The following UTRN variants were observed in gnomAD, a reference collection of about 807,000 sequenced individuals.
UTRN encodes the protein dystrophin-related protein 1.
In UTRN, 283 loss-of-function variants were observed where a neutral mutation model predicts 463.9. That is an observed-to-expected ratio of 0.61 (90% CI 0.55 to 0.67). UTRN has a LOEUF of 0.67. Among genes scored for constraint, UTRN ranks in the 30% least tolerant of loss-of-function variants. The pLI is 0.00. For missense variants in UTRN, 3,922 were observed against 4,084.3 expected, an observed-to-expected ratio of 0.96 and a Z score of 1.08; for synonymous variants, 1,442 against 1,431.5, an observed-to-expected ratio of 1.01 and a Z score of -0.17.
intron 2 of UTRN, among the ~76,000 whole-genome samples, chr6:144,378,754 G>C (rs1780671941): frequency 1.3e-5 from 2 of 152,182 alleles, no homozygotes; most frequent in Admixed American, 1.3e-4. Context: ...AAAGTTCAGA[G>C]AGTTGATTAG....
chr6:144,641,980 C>T (rs534870513), intron 51 of UTRN, among the ~76,000 whole-genome samples: 1 of 152,178 alleles, frequency 6.6e-6, no homozygotes, highest in Admixed American at 6.5e-5. Context: ...TATGTAAAAC[C>T]TGTTTGTCTT....
chr6:144,740,727 C>T (rs186812099), intron 54 of UTRN, among the ~76,000 whole-genome samples: 5 of 152,196 alleles, frequency 3.3e-5, no homozygotes, highest in East Asian at 1.9e-4. Flanking sequence ...GTAAGCCCAT[C>T]GATTGGGTAA....
At chr6:144,750,331 GA>G (rs933842803) in intron 55 of UTRN, among the ~76,000 whole-genome samples, 2 of 151,844 alleles carry the variant, frequency 1.3e-5, no homozygotes, top group African/African-American at 4.8e-5. Flanking sequence ...TGCAGCAATG[GA>G]AAAAAAACTA....
intron 51 of UTRN, among the ~76,000 whole-genome samples, chr6:144,603,683 C>G (rs1252830203): frequency 6.6e-6 from 1 of 152,050 alleles, no homozygotes; most frequent in Non-Finnish European, 1.5e-5. Flanking sequence ...AAATTTCAGT[C>G]TTTATCGTAA....
In UTRN at chr6:144,782,100, T is replaced by C. The variant is rs755952414; in HGVS notation, c.8811T>C (p.Asn2937=). ...NVPLCVDMCL[N]WLLNVYDTGR... is the part of the protein sequence containing the mutation. Reference sequence around the variant, plus strand: ...CACTCTGTGTTGATATGTGTCTCAATTGGTTGCTCAATGTCTATGACACGT... The same window carrying C: ...CACTCTGTGTTGATATGTGTCTCAACTGGTTGCTCAATGTCTATGACACGT... Residue 2937 remains asparagine, a synonymous_variant, in exon 61 of 75, where the codon AAT becomes AAC. Coordinates refer to ENST00000367545, the MANE Select transcript of UTRN (RefSeq NM_007124.3). 3.7e-6 allele frequency: 6 copies of C among 1,611,230 alleles called. No individual in the cohort carries two copies. In the South Asian group the frequency reaches 4.4e-5, roughly 12 times the overall value.
chr6:144,816,408 C>T (rs1174638568), intron 65 of UTRN, among the ~76,000 whole-genome samples: 2 of 152,132 alleles, frequency 1.3e-5, no homozygotes, highest in South Asian at 2.1e-4. Context: ...GAAAGTTTTG[C>T]CTGGAAGCGG....
intron 2 of UTRN, among the ~76,000 whole-genome samples, chr6:144,314,256 A>T (rs775167592): frequency 1.3e-5 from 2 of 152,188 alleles, no homozygotes; most frequent in Non-Finnish European, 2.9e-5. Flanking sequence ...AATGTGCTTG[A>T]TGGCTTGGGT....
intron 65 of UTRN, among the ~76,000 whole-genome samples, chr6:144,811,115 T>C (rs1778568770): frequency 6.6e-6 from 1 of 151,908 alleles, no homozygotes; most frequent in African/African-American, 2.4e-5. Flanking sequence ...GTGCCTTTTT[T>C]TTATGAACTA....
rs11397588 is a variant in UTRN, at chr6:144,819,911, C to CCTCCTCCTCCTCCTCTCTCT, written c.9358-968_9358-967insCTCCTCCTCCTCTCTCTCTC. ...TCCTCCTCCTCCTCCTCCTCCTCCT[C>CCTCCTCCTCCTCCTCTCTCT]CTCTCTCTCTCTCTCTCTCTCTTTC... On this transcript the variant is annotated intron_variant, in intron 65 of 74. Coordinates refer to ENST00000367545, the MANE Select transcript of UTRN (RefSeq NM_007124.3). 6.7e-5 allele frequency among the ~76,000 whole-genome samples: 8 copies of CCTCCTCCTCCTCCTCTCTCT among 118,608 alleles called. No homozygotes were observed. In the East Asian group the frequency reaches 9.6e-4, roughly 14 times the overall value. The allele number at this position is 118,608 out of a possible 152,430, so 77.8% of individuals were successfully genotyped here.
intron 54 of UTRN, among the ~76,000 whole-genome samples, chr6:144,732,295 T>TAC (rs200581460): frequency 0.013 from 1,491 of 119,004 alleles, 37 homozygotes; most frequent in African/African-American, 0.044. Context: ...TATATATATA[T>TAC]ACACATATAT....
chr6:144,575,315 C>T (rs1316390059), intron 50 of UTRN, among the ~76,000 whole-genome samples: 1 of 152,088 alleles, frequency 6.6e-6, no homozygotes, highest in South Asian at 2.1e-4. Context: ...AATCCCAGCA[C>T]CCAAAAATAA....
At chr6:144,396,400 A>G (rs1195279478) in intron 2 of UTRN, among the ~76,000 whole-genome samples, 1 of 152,190 alleles carries the variant, frequency 6.6e-6, no homozygotes, top group Non-Finnish European at 1.5e-5. Flanking sequence ...GCTTAATGAC[A>G]GCAGAGTTTA....
Position 144,797,909 on chromosome 6 carries a change from T to C in UTRN, c.9164T>C (p.Leu3055Ser). 1.2e-6 allele frequency: 2 copies of C among 1,614,190 alleles called. No homozygotes were observed. Among genetic ancestry groups the C allele is most frequent in the South Asian group, 1.1e-5 (1 of 91,084 alleles). The change falls in exon 64 of 75, where the codon TTA (leucine) becomes TCA (serine). Residue 3055 changes from leucine to serine, a missense_variant. Coordinates refer to ENST00000367545, the MANE Select transcript of UTRN (RefSeq NM_007124.3). Reference sequence around the variant, plus strand: ...CAGTCCATGGTTTGGCTCCCAGTTTTACATCGAGTGGCAGCAGCGGAGACT... The same window carrying C: ...CAGTCCATGGTTTGGCTCCCAGTTTCACATCGAGTGGCAGCAGCGGAGACT... ...EPQSMVWLPVLHRVAAAETAK... is the reference protein window; with the variant it reads ...EPQSMVWLPVSHRVAAAETAK...
At chr6:144,643,645 A>C (rs987173985) in intron 51 of UTRN, among the ~76,000 whole-genome samples, 8 of 152,054 alleles carry the variant, frequency 5.3e-5, no homozygotes, top group Non-Finnish European at 8.8e-5. Flanking sequence ...AAAAATACAA[A>C]AATTAGCCAG....
chr6:144,309,983 G>T (rs887494437), intron 2 of UTRN, among the ~76,000 whole-genome samples: 1 of 152,172 alleles, frequency 6.6e-6, no homozygotes, highest in African/African-American at 2.4e-5. Context: ...AATTAAAATA[G>T]CAAATCCTTC....
intron 2 of UTRN, among the ~76,000 whole-genome samples, chr6:144,360,524 T>G (rs1584437246): frequency 6.6e-6 from 1 of 152,272 alleles, no homozygotes; most frequent in African/African-American, 2.4e-5. Flanking sequence ...TAGCAGAGGC[T>G]GCTATTGACC....
Position 144,513,915 on chromosome 6 carries a change from C to A in UTRN, c.4951C>A (p.Gln1651Lys). The change falls in exon 36 of 75, where the codon CAG becomes AAG. Residue 1651 changes from glutamine (Q) to lysine (K), a missense_variant. Physicochemically the swap from Gln to Lys is moderately conservative, Grantham distance 53 (BLOSUM62 1). Transcript: ENST00000367545. Reference protein sequence around the residue: ...EDWCNTLMNHQNQLEIFDGNV... With the variant: ...EDWCNTLMNHKNQLEIFDGNV... Reference sequence around the variant, plus strand: ...TTTATTAATTCCTTTGTAGAACCATCAGAACCAGCTAGAAATATTTGATGG... The same window carrying A: ...TTTATTAATTCCTTTGTAGAACCATAAGAACCAGCTAGAAATATTTGATGG... 6.2e-7 allele frequency: 1 copy of A among 1,613,576 alleles called. No individual in the cohort carries two copies. Among genetic ancestry groups the A allele is most frequent in the Non-Finnish European group, 8.5e-7 (1 of 1,179,762 alleles).
chr6:144,286,935 CG>C lies in UTRN; in HGVS notation c.-93+1115del, dbSNP rs141189483. Among the ~76,000 whole-genome samples the C allele has an allele frequency of 2.6e-3, 403 of 152,204 alleles. 3 individuals are homozygous for C. The highest frequency in any genetic ancestry group is 9.5e-3 in the African/African-American group (393 of 41,552). Reference sequence around the variant, plus strand: ...GGCCTTGCGGGCCAGTTCCCCCTGCCGCGGTTGGGAGGGTCAGTGCAGCGGT... The same window carrying C: ...GGCCTTGCGGGCCAGTTCCCCCTGCCCGGTTGGGAGGGTCAGTGCAGCGGT... On this transcript the variant is annotated intron_variant, in intron 1 of 74. Transcript: ENST00000367545. This position sits in a 1 kb window ranked among gnomAD's most constrained non-coding sequence, Gnocchi z 4.4.
intron 58 of UTRN, among the ~76,000 whole-genome samples, chr6:144,766,681 A>C (rs1793383692): frequency 6.6e-6 from 1 of 151,978 alleles, no homozygotes; most frequent in Non-Finnish European, 1.5e-5. Flanking sequence ...TGGAGTGGTG[A>C]ATGGGACACG....
Sources: allele counts gnomAD v4.1 joint callset (sites outside exome capture counted in the v4.1 genomes callset), GRCh38; gene constraint gnomAD v4.1.1; non-coding constraint Gnocchi (gnomAD v3.1); transcripts MANE v1.5; gene names NCBI Gene and HGNC (gene_info 2026-07-23, HGNC 2026-07-21).